CREB1: variants seen among roughly 807,000 people sequenced by gnomAD.
CREB1 encodes the protein cyclic AMP-responsive element-binding protein 1.
Under a neutral mutation model 42.0 loss-of-function variants are expected in CREB1, and 2 were observed. The observed-to-expected ratio is 0.05, with a 90% CI of 0.02 to 0.15. The LOEUF is 0.15. Among genes scored for constraint, CREB1 ranks in the 10% least tolerant of loss-of-function variants. The pLI is 1.00. For synonymous variants in CREB1, 123 were observed against 139.9 expected (o/e 0.88, Z 0.85); for missense variants, 199 against 388.9 (o/e 0.51, Z 4.11).
At position 207,605,932 on chromosome 2, in the gene CREB1, G is replaced by A. The variant is rs1559102708; in HGVS notation, c.*8874G>A. 6.6e-6 allele frequency among the ~76,000 whole-genome samples: 1 copy of A among 152,156 alleles called. No homozygotes were observed. The highest frequency in any genetic ancestry group is 1.5e-5 in the Non-Finnish European group (1 of 68,002). On this transcript the variant is annotated 3_prime_UTR_variant, in exon 8 of 8. Transcript: ENST00000353267. ...AACTTATGTTGATTACTATTTTTAT[G>A]TCAAACTTTACAGTCTAGGCATTTT...
intron 2 of CREB1, among the ~76,000 whole-genome samples, chr2:207,556,267 A>G (rs1559279407): frequency 6.6e-6 from 1 of 152,114 alleles, no homozygotes; most frequent in Non-Finnish European, 1.5e-5. Context: ...TTTCTCTTTA[A>G]CATCCTATCT....
At chr2:207,530,971 T>C (rs1197575840) in intron 1 of CREB1, among the ~76,000 whole-genome samples, 1 of 139,370 alleles carries the variant, frequency 7.2e-6, no homozygotes, top group Non-Finnish European at 1.6e-5. Flanking sequence ...ACCCCTTTGC[T>C]TTTTTTTTTT....
intron 1 of CREB1, among the ~76,000 whole-genome samples, chr2:207,545,074 A>G (rs966939002): frequency 6.6e-5 from 10 of 152,208 alleles, no homozygotes; most frequent in Non-Finnish European, 1.3e-4. Flanking sequence ...CTTTGGGTAT[A>G]TATCCAGTAA....
intron 1 of CREB1, among the ~76,000 whole-genome samples, chr2:207,545,535 T>C (rs571736033): frequency 1.3e-5 from 2 of 151,966 alleles, no homozygotes; most frequent in Non-Finnish European, 2.9e-5. Context: ...CTTATATGTT[T>C]TATGCTATAG....
chr2:207,577,695 T>C (rs1225873530), intron 7 of CREB1, 40 bp downstream of exon 7: 2 of 1,606,436 alleles, frequency 1.2e-6, no homozygotes, highest in South Asian at 1.1e-5. Flanking sequence ...ATGTGTTAAG[T>C]GTGTCTTCAC....
intron 1 of CREB1, among the ~76,000 whole-genome samples, chr2:207,532,679 A>T (rs1251363485): frequency 6.6e-6 from 1 of 152,104 alleles, no homozygotes; most frequent in East Asian, 1.9e-4. Flanking sequence ...CAAAAAAAAA[A>T]AAGTTTACTG....
In CREB1 at chr2:207,575,330, G is replaced by C; in HGVS notation, c.564G>C (p.Gln188His). The change falls in exon 6 of 8, where the codon CAG becomes CAC. Residue 188 changes from glutamine to histidine, a missense_variant. Coordinates refer to ENST00000353267, the MANE Select transcript of CREB1 (RefSeq NM_004379.5). ...CTAACAATGGTACCGATGGGGTACA[G>C]GGCCTGCAAACATTAACCATGACCA... ...QLANNGTDGV[Q>H]GLQTLTMTNA... 6.2e-7 allele frequency: 1 copy of C among 1,614,128 alleles called. No individual in the cohort carries two copies. Among genetic ancestry groups the C allele is most frequent in the African/African-American group, 1.3e-5 (1 of 75,042 alleles).
intron 6 of CREB1, 129 bp downstream of exon 6, chr2:207,575,583 A>T (rs185304561): frequency 1.3e-6 from 1 of 790,860 alleles, no homozygotes; most frequent in South Asian, 2.6e-5. Context: ...TTCAATATTG[A>T]TAGTATTTTT....
intron 5 of CREB1, among the ~76,000 whole-genome samples, chr2:207,571,505 G>A (rs1046219698): frequency 6.6e-6 from 1 of 152,132 alleles, no homozygotes; most frequent in Admixed American, 6.6e-5. Flanking sequence ...TTGAGACTAA[G>A]TAGAAGGAAG....
rs1386437953 is a variant in CREB1, at chr2:207,604,233, C to A, written c.*7175C>A. Among the ~76,000 whole-genome samples, 1 of 152,180 alleles carries A rather than the reference C, an allele frequency of 6.6e-6. No individual in the cohort carries two copies. ...CAAGACCATCCTTGAGAAGTCACAT[C>A]CAAAGATAAAATTCTGATCCATTTC... On this transcript the variant is annotated 3_prime_UTR_variant, in exon 8 of 8. Coordinates refer to ENST00000353267, the MANE Select transcript of CREB1 (RefSeq NM_004379.5).
intron 7 of CREB1, among the ~76,000 whole-genome samples, chr2:207,592,025 T>C (rs1434402926): frequency 2.0e-5 from 3 of 152,228 alleles, no homozygotes; most frequent in Non-Finnish European, 4.4e-5. Context: ...TCTTAGAAAA[T>C]AGATCTTCTG....
chr2:207,577,504 G>C lies in CREB1; in HGVS notation c.689-1G>C. 6.2e-7 allele frequency: 1 copy of C among 1,610,854 alleles called. No individual in the cohort carries two copies. Among genetic ancestry groups the C allele is most frequent in the Non-Finnish European group, 8.5e-7 (1 of 1,178,874 alleles). On this transcript the variant is annotated splice_acceptor_variant, in intron 6 of 7. Coordinates refer to ENST00000353267, the MANE Select transcript of CREB1 (RefSeq NM_004379.5). LOFTEE classifies it high-confidence loss of function. ...TACACCATGCTCACTGTTTTTTTCA[G>C]CTGCCTCTGGAGACGTACAAACATA...
At chr2:207,568,636 G>A (rs2082231979) in intron 4 of CREB1, among the ~76,000 whole-genome samples, 1 of 152,132 alleles carries the variant, frequency 6.6e-6, no homozygotes, top group South Asian at 2.1e-4. Flanking sequence ...ATATGAAGAT[G>A]TCATTTTTGA....
At chr2:207,589,762 ATAC>A (rs1425850085) in intron 7 of CREB1, among the ~76,000 whole-genome samples, 1 of 152,202 alleles carries the variant, frequency 6.6e-6, no homozygotes, top group Non-Finnish European at 1.5e-5. Context: ...AATTACATTC[ATAC>A]TCCAATTTTG....
chr2:207,582,886 GTCTCAAAAAAACAAA>G (rs1163622260), intron 7 of CREB1: 1 of 300,694 alleles, frequency 3.3e-6, no homozygotes, highest in Non-Finnish European at 6.6e-6. Flanking sequence ...GTGAGACTCT[GTCTCAAAAAAACAAA>G]CAAACAAACA....
In CREB1 at chr2:207,600,989, CT is replaced by C. The variant is rs2086954081; in HGVS notation, c.*3932del. The stretch of plus-strand genomic sequence containing the variant: ...CAGTCAGCTATTACCATAAATTGGT[CT>C]CTGTTTATTTTGAAGATCACGGCTG... On this transcript the variant is annotated 3_prime_UTR_variant, in exon 8 of 8. Coordinates refer to ENST00000353267, the MANE Select transcript of CREB1 (RefSeq NM_004379.5). 1 of 7,352 alleles carries C rather than the reference CT, an allele frequency of 1.4e-4. No homozygotes were observed. Among genetic ancestry groups the C allele is most frequent in the Non-Finnish European group, 2.7e-4 (1 of 3,652 alleles). 0.5% of individuals were successfully genotyped at this position (7,352 alleles called of 1,614,324 possible).
At chr2:207,535,128 A>G (rs1364551834) in intron 1 of CREB1, among the ~76,000 whole-genome samples, 6 of 152,242 alleles carry the variant, frequency 3.9e-5, no homozygotes, top group Non-Finnish European at 5.9e-5. Context: ...ATTTCTTTAA[A>G]TGAAAAACTT....
In CREB1 at chr2:207,601,451, G is replaced by C. The variant is rs945678380; in HGVS notation, c.*4393G>C. 2 of 190,888 alleles carry C rather than the reference G, an allele frequency of 1.0e-5. No individual in the cohort carries two copies. Among genetic ancestry groups the C allele is most frequent in the Admixed American group, 6.1e-5 (1 of 16,278 alleles). 11.8% of individuals were successfully genotyped at this position (190,888 alleles called of 1,614,324 possible). ...GTAAAAGAAAAACATCAGGAAATTA[G>C]ATATGACTAGCCCAGTTAATTAAAA... is the stretch of plus-strand genomic sequence containing the variant. On this transcript the variant is annotated 3_prime_UTR_variant, in exon 8 of 8. Coordinates refer to ENST00000353267, the MANE Select transcript of CREB1 (RefSeq NM_004379.5).
At chr2:207,537,510 C>G (rs1171211325) in intron 1 of CREB1, among the ~76,000 whole-genome samples, 1 of 152,186 alleles carries the variant, frequency 6.6e-6, no homozygotes, top group African/African-American at 2.4e-5. Flanking sequence ...AGGCAAAGAT[C>G]ATTAAAGCAG....
Sources: allele counts gnomAD v4.1 joint callset (sites outside exome capture counted in the v4.1 genomes callset), GRCh38; gene constraint gnomAD v4.1.1; transcripts MANE v1.5; gene names NCBI Gene and HGNC (gene_info 2026-07-23, HGNC 2026-07-21).